The following JAKMIP2 variants were observed in gnomAD, a reference collection of about 807,000 sequenced individuals.
JAKMIP2 encodes janus kinase and microtubule-interacting protein 2.
In JAKMIP2, 25 loss-of-function variants were observed where a neutral mutation model predicts 115.0. That is an observed-to-expected ratio of 0.22 (90% CI 0.16 to 0.30). JAKMIP2 has a LOEUF of 0.30. Ranked by LOEUF, JAKMIP2 falls within the 10% of genes least tolerant of loss-of-function variation. JAKMIP2 has a pLI of 1.00. For synonymous variants in JAKMIP2, 334 were observed against 343.6 expected (o/e 0.97, Z 0.31); for missense variants, 642 against 957.6 (o/e 0.67, Z 4.35).
rs1001262817 is a variant in JAKMIP2 at position 147,586,605 on chromosome 5, A to T, written c.*5102T>A. The T allele has an allele frequency of 5.9e-5, 9 of 152,266 alleles. No homozygotes were observed. The highest frequency in any genetic ancestry group is 1.7e-4 in the African/African-American group (7 of 41,546). The allele number at this position is 152,266 out of a possible 1,614,324, so 9.4% of individuals were successfully genotyped here. A position where few individuals can be genotyped will look rare whatever the true frequency, so the allele number is the denominator to read the frequency against. Reference sequence around the variant, plus strand: ...CATGGGTACAAAGACCGTAATGCAGAAAAAAACAAAAACAGGAACCCTCAC... The same window carrying T: ...CATGGGTACAAAGACCGTAATGCAGTAAAAAACAAAAACAGGAACCCTCAC... On this transcript the variant is annotated 3_prime_UTR_variant, in exon 22 of 22. Transcript: ENST00000616793.
chr5:147,694,119 C>T (rs1352333674), intron 1 of JAKMIP2, among the ~76,000 whole-genome samples: 1 of 152,134 alleles, frequency 6.6e-6, no homozygotes, highest in Non-Finnish European at 1.5e-5. Context: ...TAGAACCTAG[C>T]TCTTGTCCTG....
chr5:147,673,191 T>A (rs1759726672), intron 1 of JAKMIP2, among the ~76,000 whole-genome samples: 1 of 152,102 alleles, frequency 6.6e-6, no homozygotes, highest in African/African-American at 2.4e-5. Flanking sequence ...AAGGCAGATG[T>A]GTCTTGATTT....
chr5:147,606,170 G>A (rs1223117431), intron 20 of JAKMIP2, among the ~76,000 whole-genome samples: 1 of 152,048 alleles, frequency 6.6e-6, no homozygotes, highest in Non-Finnish European at 1.5e-5. Flanking sequence ...TTGCTGTGCA[G>A]ATGCTCTTTA....
At chr5:147,631,289 A>C in intron 14 of JAKMIP2, 124 bp downstream of exon 14, 1 of 583,306 alleles carries the variant, frequency 1.7e-6, no homozygotes, top group Non-Finnish European at 3.0e-6. Context: ...CAATTCCTAC[A>C]TAGTTTGTAT....
chr5:147,690,564 T>C lies in JAKMIP2; in HGVS notation c.-148-18610A>G, dbSNP rs1224150702. 8.1e-5 allele frequency among the ~76,000 whole-genome samples: 8 copies of C among 98,960 alleles called. 1 individual carries two copies. Among genetic ancestry groups the C allele is most frequent in the African/African-American group, 4.1e-4 (8 of 19,546 alleles). The allele number at this position is 98,960 out of a possible 152,430, so 64.9% of individuals were successfully genotyped here. ...TTATATATATATATATATATATATA[T>C]ATATATATATATATATATATGCACA... On this transcript the variant is annotated intron_variant, in intron 1 of 21. Coordinates refer to ENST00000616793, the MANE Select transcript of JAKMIP2 (RefSeq NM_001270941.2).
chr5:147,679,904 G>A (rs1054834529), intron 1 of JAKMIP2, among the ~76,000 whole-genome samples: 3 of 152,120 alleles, frequency 2.0e-5, no homozygotes, highest in Admixed American at 6.5e-5. Context: ...TAAAGAGAGC[G>A]ATTTCATACA....
At chr5:147,717,784 G>T (rs1423509705) in intron 1 of JAKMIP2, among the ~76,000 whole-genome samples, 3 of 132,776 alleles carry the variant, frequency 2.3e-5, no homozygotes, top group Non-Finnish European at 4.8e-5. Flanking sequence ...CAATCATGTC[G>T]TCTGCAAACA....
At chr5:147,600,421 G>A (rs550595856) in intron 21 of JAKMIP2, among the ~76,000 whole-genome samples, 39 of 152,038 alleles carry the variant, frequency 2.6e-4, no homozygotes, top group Non-Finnish European at 4.6e-4. Flanking sequence ...TCCATATCCA[G>A]GTAACAGATC....
Position 147,607,219 on chromosome 5 carries a change from G to C in JAKMIP2, c.2412+5087C>G, listed in dbSNP as rs972134938. ...AAACTTCCAATACTATGTTGAATAG[G>C]AGTGGTAAGAGACAGCATCCTTGTT... is the stretch of plus-strand genomic sequence containing the variant. On this transcript the variant is annotated intron_variant, in intron 20 of 21. Coordinates refer to ENST00000616793, the MANE Select transcript of JAKMIP2 (RefSeq NM_001270941.2). Among the ~76,000 whole-genome samples the C allele has an allele frequency of 2.0e-5, 3 of 152,104 alleles. No individual in the cohort carries two copies. The South Asian group carries it at 6.2e-4, about 32-fold the overall frequency.
At chr5:147,710,300 T>C (rs1351254259) in intron 1 of JAKMIP2, among the ~76,000 whole-genome samples, 10 of 152,196 alleles carry the variant, frequency 6.6e-5, no homozygotes, top group Non-Finnish European at 1.3e-4. Context: ...TATAACATTA[T>C]TGTGATATAT....
intron 1 of JAKMIP2, among the ~76,000 whole-genome samples, chr5:147,704,243 A>T (rs532362510): frequency 1.9e-4 from 29 of 152,304 alleles, no homozygotes; most frequent in African/African-American, 6.5e-4. Context: ...TATACTGTGC[A>T]TCATTATATG....
At chr5:147,629,194 C>G (rs1429801669) in intron 15 of JAKMIP2, among the ~76,000 whole-genome samples, 2 of 152,164 alleles carry the variant, frequency 1.3e-5, no homozygotes, top group African/African-American at 4.8e-5. Context: ...AACGGTGATT[C>G]TTTCAACCTA....
chr5:147,673,562 C>T (rs192424129), intron 1 of JAKMIP2, among the ~76,000 whole-genome samples: 3 of 152,234 alleles, frequency 2.0e-5, no homozygotes, highest in East Asian at 3.9e-4. Context: ...ATGAGACTGT[C>T]GGCAGCAGTC....
intron 1 of JAKMIP2, among the ~76,000 whole-genome samples, chr5:147,712,252 G>T (rs1752810337): frequency 6.6e-6 from 1 of 152,028 alleles, no homozygotes; most frequent in East Asian, 1.9e-4. Flanking sequence ...AACTGCACAG[G>T]CCACCTGATC....
At chr5:147,704,936 C>T (rs1172517768) in intron 1 of JAKMIP2, among the ~76,000 whole-genome samples, 3 of 152,206 alleles carry the variant, frequency 2.0e-5, no homozygotes, top group Admixed American at 1.3e-4. Context: ...GAAAATAGCA[C>T]TAATAATGTA....
At chr5:147,678,522 A>G (rs1008484582) in intron 1 of JAKMIP2, among the ~76,000 whole-genome samples, 1 of 152,168 alleles carries the variant, frequency 6.6e-6, no homozygotes, top group Non-Finnish European at 1.5e-5. Context: ...TTATCCATTT[A>G]TTTGGTGATG....
chr5:147,782,633 C>A lies in JAKMIP2; in HGVS notation c.-326G>T. 1.4e-6 allele frequency: 1 copy of A among 706,052 alleles called. No homozygotes were observed. Among genetic ancestry groups the A allele is most frequent in the Non-Finnish European group, 2.5e-6 (1 of 393,738 alleles). The allele number at this position is 706,052 out of a possible 1,614,324, so 43.7% of individuals were successfully genotyped here. On this transcript the variant is annotated 5_prime_UTR_variant, in exon 1 of 22. The change abolishes the stop of an existing upstream ORF in the 5' untranslated region. Transcript: ENST00000616793. ...AATAGGAACCACCCTTCCAGCCCCA[C>A]TAGAGTATCAGCAATAGAGGCGGCG... is the stretch of plus-strand genomic sequence containing the variant.
intron 1 of JAKMIP2, among the ~76,000 whole-genome samples, chr5:147,676,590 A>G (rs1759977882): frequency 6.6e-6 from 1 of 152,224 alleles, no homozygotes; most frequent in African/African-American, 2.4e-5. Context: ...CAGTAGCCCC[A>G]GGCAACATTG....
At chr5:147,738,926 A>C (rs936603951) in intron 1 of JAKMIP2, among the ~76,000 whole-genome samples, 6 of 152,188 alleles carry the variant, frequency 3.9e-5, no homozygotes, top group Non-Finnish European at 7.3e-5. Flanking sequence ...ATGTTTTGAG[A>C]ATCAGTTTCA....
Sources: allele counts gnomAD v4.1 joint callset (sites outside exome capture counted in the v4.1 genomes callset), GRCh38; gene constraint gnomAD v4.1.1; transcripts MANE v1.5; gene names NCBI Gene and HGNC (gene_info 2026-07-23, HGNC 2026-07-21).